MYT1L: variants seen among roughly 807,000 people sequenced by gnomAD.
MYT1L encodes myelin transcription factor 1 like.
MYT1L carries 12 observed loss-of-function variants against 126.7 expected under a neutral mutation model. That is an observed-to-expected ratio of 0.09 (90% CI 0.06 to 0.15). The LOEUF (loss-of-function observed/expected upper bound fraction) is 0.15, where lower values mean the gene tolerates loss of function less well. Ranked by LOEUF, MYT1L falls within the 10% of genes least tolerant of loss-of-function variation. The pLI is 1.00. For missense variants in MYT1L, 979 were observed against 1,585.2 expected, an observed-to-expected ratio of 0.62 and a Z score of 6.49; for synonymous variants, 541 against 604.2, an observed-to-expected ratio of 0.90 and a Z score of 1.53.
chr2:1,964,886 G>A (rs189096980), intron 8 of MYT1L, among the ~76,000 whole-genome samples: 20 of 152,232 alleles, frequency 1.3e-4, no homozygotes, highest in African/African-American at 4.6e-4. Flanking sequence ...AGGAGCTTGG[G>A]GTCACGGGCA....
chr2:2,201,630 G>A (rs35287093), intron 2 of MYT1L, among the ~76,000 whole-genome samples: 1,595 of 151,780 alleles, frequency 0.011, 40 homozygotes, highest in African/African-American at 0.037. Context: ...CCCAGGAGGC[G>A]GAAGCTGCAG....
At chr2:2,198,168 A>G (rs2092908113) in intron 2 of MYT1L, among the ~76,000 whole-genome samples, 1 of 152,196 alleles carries the variant, frequency 6.6e-6, no homozygotes, top group Non-Finnish European at 1.5e-5. Flanking sequence ...AGACACAGAA[A>G]GACAAACACT....
chr2:2,295,907 A>G (rs2095685450), intron 1 of MYT1L, among the ~76,000 whole-genome samples: 1 of 145,972 alleles, frequency 6.9e-6, no homozygotes, highest in Non-Finnish European at 1.5e-5. Flanking sequence ...AAGAGAGAGA[A>G]TAATAAAGCT....
At chr2:2,318,233 T>C (rs1443821160) in intron 1 of MYT1L, among the ~76,000 whole-genome samples, 1 of 152,260 alleles carries the variant, frequency 6.6e-6, no homozygotes, top group African/African-American at 2.4e-5. Flanking sequence ...ATATTTACCA[T>C]TTGGAATATG....
chr2:2,139,734 T>A (rs1261805586), intron 3 of MYT1L, among the ~76,000 whole-genome samples: 2 of 152,140 alleles, frequency 1.3e-5, no homozygotes, highest in African/African-American at 4.8e-5. Flanking sequence ...CTGTTCCTCA[T>A]GTTATGGCTG....
At chr2:2,133,068 C>T (rs1184905870) in intron 3 of MYT1L, among the ~76,000 whole-genome samples, 1 of 152,158 alleles carries the variant, frequency 6.6e-6, no homozygotes, top group African/African-American at 2.4e-5. Flanking sequence ...CCTGTACACA[C>T]CGTCTTCTTT....
intron 9 of MYT1L, among the ~76,000 whole-genome samples, chr2:1,941,628 C>T (rs978709700): frequency 6.6e-6 from 1 of 152,020 alleles, no homozygotes; most frequent in African/African-American, 2.4e-5. Context: ...CATAGCGAGA[C>T]AAAAAATCTT....
At chr2:1,818,933 G>A (rs1315927354) in intron 21 of MYT1L, among the ~76,000 whole-genome samples, 2 of 152,228 alleles carry the variant, frequency 1.3e-5, no homozygotes, top group Admixed American at 1.3e-4. Flanking sequence ...CTCGGCCACA[G>A]CCACACAGGC....
chr2:1,992,562 T>C (rs530483886), intron 5 of MYT1L, among the ~76,000 whole-genome samples: 2 of 152,330 alleles, frequency 1.3e-5, no homozygotes, highest in Admixed American at 1.3e-4. Flanking sequence ...CTAGCAATAA[T>C]GCCTCCTTTT....
intron 14 of MYT1L, among the ~76,000 whole-genome samples, chr2:1,894,758 C>T (rs1296882307): frequency 6.6e-6 from 1 of 152,142 alleles, no homozygotes; most frequent in Non-Finnish European, 1.5e-5. Context: ...TTGGTGAGGG[C>T]GATGCTCAGG....
intron 3 of MYT1L, among the ~76,000 whole-genome samples, chr2:2,065,823 TACACACACACACACAC>T (rs71824780): frequency 6.9e-6 from 1 of 144,820 alleles, no homozygotes; most frequent in Admixed American, 7.0e-5. Flanking sequence ...CTCTCTTTTA[TACACACACACACACAC>T]ACACACACGC....
intron 19 of MYT1L, 83 bp downstream of exon 19, chr2:1,851,558 G>T (rs747609660): frequency 3.3e-4 from 458 of 1,390,756 alleles, no homozygotes; most frequent in Middle Eastern, 5.3e-4. Flanking sequence ...AACTTCGCAA[G>T]GCTTGGAGCC....
intron 3 of MYT1L, among the ~76,000 whole-genome samples, chr2:2,103,141 C>T (rs2150498923): frequency 6.6e-6 from 1 of 152,200 alleles, no homozygotes; most frequent in Non-Finnish European, 1.5e-5. Context: ...ATGTTTCCCT[C>T]TAATTTTCAA....
At chr2:2,011,946 C>A (rs909751409) in intron 4 of MYT1L, among the ~76,000 whole-genome samples, 9 of 152,136 alleles carry the variant, frequency 5.9e-5, no homozygotes, top group African/African-American at 1.7e-4. Context: ...AGGTGCTAGA[C>A]CACCAAGGGA....
At chr2:2,257,780 G>A (rs1174432848) in intron 2 of MYT1L, among the ~76,000 whole-genome samples, 3 of 150,962 alleles carry the variant, frequency 2.0e-5, no homozygotes, top group African/African-American at 2.5e-5. Flanking sequence ...ATGCTCCTGG[G>A]TAGGAAGAAT....
At chr2:1,882,404 A>T (rs562073990) in intron 18 of MYT1L, among the ~76,000 whole-genome samples, 1 of 152,210 alleles carries the variant, frequency 6.6e-6, no homozygotes, top group Non-Finnish European at 1.5e-5. Flanking sequence ...TCAATTCTTT[A>T]TAACAGAAAC....
At chr2:2,066,197 A>T (rs2071248960) in intron 3 of MYT1L, among the ~76,000 whole-genome samples, 1 of 152,210 alleles carries the variant, frequency 6.6e-6, no homozygotes, top group Non-Finnish European at 1.5e-5. Context: ...TTAGATCCAC[A>T]TCCTACTTCT....
chr2:2,307,866 C>T (rs935833974), intron 1 of MYT1L, among the ~76,000 whole-genome samples: 2 of 144,788 alleles, frequency 1.4e-5, no homozygotes, highest in African/African-American at 5.3e-5. Flanking sequence ...TCCACCTATG[C>T]TTCAGTATAC....
chr2:1,980,700 A>G (rs2060542721), intron 5 of MYT1L, among the ~76,000 whole-genome samples: 1 of 152,196 alleles, frequency 6.6e-6, no homozygotes, highest in Non-Finnish European at 1.5e-5. Flanking sequence ...AGATGGTTTG[A>G]GTTGAAGGTT....
Sources: gnomAD v4.1 joint callset for allele counts (sites outside exome capture counted in the v4.1 genomes callset) on GRCh38, gnomAD v4.1.1 for gene constraint, MANE v1.5 for transcripts, NCBI Gene and HGNC (gene_info 2026-07-23, HGNC 2026-07-21) for gene names.